Variants in EOGT observed in about 807,000 individuals in gnomAD.
EOGT encodes EGF domain-specific O-linked N-acetylglucosamine transferase.
Under a neutral mutation model 70.5 loss-of-function variants are expected in EOGT, and 55 were observed. The ratio of observed to expected loss-of-function variants is 0.78; its 90% CI spans 0.63 to 0.98. The LOEUF is 0.98. Ranked by LOEUF, EOGT falls within the 50% of genes least tolerant of loss-of-function variation. The pLI, the probability that EOGT is intolerant of heterozygous loss-of-function variation, is 0.00. For missense variants in EOGT, 703 were observed against 641.9 expected, an observed-to-expected ratio of 1.10 and a Z score of -1.03; for synonymous variants, 246 against 217.1, an observed-to-expected ratio of 1.13 and a Z score of -1.17.
At chr3:68,990,529 C>A (rs2090962566) in intron 10 of EOGT, among the ~76,000 whole-genome samples, 1 of 151,748 alleles carries the variant, frequency 6.6e-6, no homozygotes, top group South Asian at 2.1e-4. Context: ...ATTTTTGTAT[C>A]TTTTGATAGA....
At chr3:69,007,966 C>G in intron 5 of EOGT, 145 bp from the exon 6 acceptor site, 1 of 566,434 alleles carries the variant, frequency 1.8e-6, no homozygotes, top group Non-Finnish European at 3.1e-6. Flanking sequence ...AAAACTACGC[C>G]TCACTACATG....
chr3:69,004,324 G>C (rs1290869148), intron 8 of EOGT, 54 bp downstream of exon 8: 3 of 1,281,032 alleles, frequency 2.3e-6, no homozygotes, highest in Non-Finnish European at 2.3e-6. Flanking sequence ...ATATCTGCAA[G>C]TGCCGTAAAT....
chr3:69,001,171 G>A (rs2091285020), intron 9 of EOGT, among the ~76,000 whole-genome samples: 1 of 152,032 alleles, frequency 6.6e-6, no homozygotes, highest in African/African-American at 2.4e-5. Context: ...TGTTGGCCAG[G>A]ATGGTCTCGA....
chr3:69,003,076 G>A (rs574248286), intron 8 of EOGT, among the ~76,000 whole-genome samples: 1 of 152,212 alleles, frequency 6.6e-6, no homozygotes, highest in East Asian at 1.9e-4. Context: ...TCTGCATCCT[G>A]ATTGTGGTGG....
chr3:69,008,676 G>A lies in EOGT; in HGVS notation c.211-148C>T, dbSNP rs2091497044. The A allele has an allele frequency of 9.5e-6, 6 of 629,038 alleles. 1 individual carries two copies. In the South Asian group the frequency reaches 1.3e-4, roughly 13 times the overall value. 39.0% of individuals were successfully genotyped at this position (629,038 alleles called of 1,614,324 possible). ...TATAACAATAAATTTAAAACTTACA[G>A]TTAATTCTAAAAAGAGCAGTCTCAA... On this transcript the variant is annotated intron_variant, in intron 4 of 17. Transcript: ENST00000383701.
Position 69,011,595 on chromosome 3 carries a change from CAA to C in EOGT, c.-15+339_-15+340del, listed in dbSNP as rs34778421. 4.7e-4 allele frequency among the ~76,000 whole-genome samples: 60 copies of C among 127,628 alleles called. 1 individual carries two copies. The highest frequency in any genetic ancestry group is 2.4e-4 in the Admixed American group (3 of 12,464). The allele number at this position is 127,628 out of a possible 152,430, so 83.7% of individuals were successfully genotyped here. A position where few individuals can be genotyped will look rare whatever the true frequency, so the allele number is the denominator to read the frequency against. ...GGGTAATGCGAGGGAGACTCTGTCT[CAA>C]AAAAAAAAAAAAACAAAGAAAGAAA... is the stretch of plus-strand genomic sequence containing the variant. On this transcript the variant is annotated intron_variant, in intron 3 of 17. Transcript: ENST00000383701.
intron 2 of EOGT, chr3:69,012,220 T>C (rs1255787045): frequency 1.3e-5 from 2 of 152,230 alleles, no homozygotes; most frequent in Non-Finnish European, 2.9e-5. Flanking sequence ...CAGATTCCAA[T>C]GGGGAACGGG....
chr3:68,979,770 T>C lies in EOGT; in HGVS notation c.1232A>G (p.Asp411Gly). 1 of 1,613,472 alleles carries C rather than the reference T, an allele frequency of 6.2e-7. No individual in the cohort carries two copies. The highest frequency in any genetic ancestry group is 8.5e-7 in the Non-Finnish European group (1 of 1,179,590). ...DYKYRELGFL[D>G]QLRITHNTDI... is the part of the protein sequence containing the mutation. ...CGTGTTGTGTGTGATCCTTAGTTGA[T>C]CTAAAAACCCAAGTTCTCTGTGAAC... Residue 411 changes from aspartate to glycine, a missense_variant, in exon 16 of 18, where the codon GAT becomes GGT. Physicochemically the swap from Asp to Gly is moderately conservative, Grantham distance 94. Coordinates refer to ENST00000383701, the MANE Select transcript of EOGT (RefSeq NM_001278689.2).
At chr3:68,992,763 C>T (rs1225216918) in intron 10 of EOGT, among the ~76,000 whole-genome samples, 2 of 152,262 alleles carry the variant, frequency 1.3e-5, no homozygotes, top group African/African-American at 4.8e-5. Flanking sequence ...CAGCAAACTT[C>T]TGCCAGGGCA....
chr3:68,997,672 T>C (rs1486127912), intron 10 of EOGT, among the ~76,000 whole-genome samples: 1 of 152,152 alleles, frequency 6.6e-6, no homozygotes, highest in Non-Finnish European at 1.5e-5. Context: ...CCCTGCTGAA[T>C]GGCAGTCTTT....
chr3:68,976,694 C>T lies in EOGT; in HGVS notation c.*924G>A, dbSNP rs2090481855. 7.3e-6 allele frequency: 1 copy of T among 137,702 alleles called. No individual in the cohort carries two copies. 8.5% of individuals were successfully genotyped at this position (137,702 alleles called of 1,614,324 possible). A position where few individuals can be genotyped will look rare whatever the true frequency, so the allele number is the denominator to read the frequency against. On this transcript the variant is annotated 3_prime_UTR_variant, in exon 18 of 18. Coordinates refer to ENST00000383701, the MANE Select transcript of EOGT (RefSeq NM_001278689.2). ...TGTATGTTTTGCATGTTTTCCTTTC[C>T]TACCACAAACAGTGTTATAACCAGA... is the stretch of plus-strand genomic sequence containing the variant.
intron 16 of EOGT, among the ~76,000 whole-genome samples, chr3:68,978,749 G>A (rs1330263588): frequency 6.6e-6 from 1 of 152,130 alleles, no homozygotes; most frequent in Non-Finnish European, 1.5e-5. Flanking sequence ...AGGCAAGGGG[G>A]ATAGGTAACA....
At chr3:69,007,471 G>C (rs564885856) in intron 6 of EOGT, among the ~76,000 whole-genome samples, 3 of 131,860 alleles carry the variant, frequency 2.3e-5, no homozygotes, top group African/African-American at 8.4e-5. Context: ...TGGCAACATG[G>C]CGAAACCCCA....
At position 69,004,085 on chromosome 3, in the gene EOGT, A is replaced by G. The variant is rs918074534; in HGVS notation, c.620+293T>C. On this transcript the variant is annotated intron_variant, in intron 8 of 17. Coordinates refer to ENST00000383701, the MANE Select transcript of EOGT (RefSeq NM_001278689.2). ...AAAATTAACATTATGTAAGTAACCT[A>G]TGTGACTTTGTAAGTGAATAAAACT... Among the ~76,000 whole-genome samples, 8 of 152,190 alleles carry G rather than the reference A, an allele frequency of 5.3e-5. No homozygotes were observed. The South Asian group carries it at 1.7e-3, about 31-fold the overall frequency.
chr3:68,993,783 C>A, intron 10 of EOGT, among the ~76,000 whole-genome samples: 1 of 152,106 alleles, frequency 6.6e-6, no homozygotes, highest in Middle Eastern at 3.2e-3. Context: ...GCCTCAGAAT[C>A]ATAGTGGGAG....
At chr3:68,992,986 A>G (rs1343809079) in intron 10 of EOGT, among the ~76,000 whole-genome samples, 1 of 152,200 alleles carries the variant, frequency 6.6e-6, no homozygotes, top group Non-Finnish European at 1.5e-5. Flanking sequence ...GGCTGCATAC[A>G]GCATGGGGAC....
chr3:68,987,755 G>A (rs989975493), intron 13 of EOGT: 12 of 544,870 alleles, frequency 2.2e-5, no homozygotes, highest in Admixed American at 2.0e-4. Context: ...TGAATTTTTT[G>A]GCAGGGGTTG....
chr3:69,009,511 G>A lies in EOGT; in HGVS notation c.210+126C>T, dbSNP rs1483810822. 9.0e-6 allele frequency: 6 copies of A among 663,380 alleles called. No homozygotes were observed. The East Asian group carries it at 1.4e-4, about 15-fold the overall frequency. The allele number at this position is 663,380 out of a possible 1,614,324, so 41.1% of individuals were successfully genotyped here. On this transcript the variant is annotated intron_variant, in intron 4 of 17. Coordinates refer to ENST00000383701, the MANE Select transcript of EOGT (RefSeq NM_001278689.2). The stretch of plus-strand genomic sequence containing the variant: ...ACTTAGAAGTATTATATGAAACAAT[G>A]ATTAACTTATACAGTGACAACCGAA...
chr3:68,975,836 G>A lies in EOGT; in HGVS notation c.*1782C>T, dbSNP rs910481663. 1.3e-5 allele frequency: 2 copies of A among 152,236 alleles called. No homozygotes were observed. Among genetic ancestry groups the A allele is most frequent in the East Asian group, 1.9e-4 (1 of 5,174 alleles). The allele number at this position is 152,236 out of a possible 1,614,324, so 9.4% of individuals were successfully genotyped here. A position where few individuals can be genotyped will look rare whatever the true frequency, so the allele number is the denominator to read the frequency against. On this transcript the variant is annotated 3_prime_UTR_variant, in exon 18 of 18. Transcript: ENST00000383701. ...TCCTTTAAAGTGGGGGTCAGCAAAC[G>A]TCTTCTGTAAAGGTCCAGATATTTT...
Sources: gnomAD v4.1 joint callset for allele counts (sites outside exome capture counted in the v4.1 genomes callset) on GRCh38, gnomAD v4.1.1 for gene constraint, MANE v1.5 for transcripts, NCBI Gene and HGNC (gene_info 2026-07-23, HGNC 2026-07-21) for gene names.